The following KAZN variants were observed in gnomAD, a reference collection of about 807,000 sequenced individuals.
The protein encoded by KAZN is kazrin.
KAZN carries 40 observed loss-of-function variants against 87.4 expected under a neutral mutation model. That is an observed-to-expected ratio of 0.46 (90% confidence interval 0.36 to 0.60). The LOEUF is 0.60. Among genes scored for constraint, KAZN ranks in the 20% least tolerant of loss-of-function variants. KAZN has a pLI of 0.00. For synonymous variants in KAZN, 466 were observed against 458.3 expected, an observed-to-expected ratio of 1.02 and a Z score of -0.22; for missense variants, 898 against 1,073.9, an observed-to-expected ratio of 0.84 and a Z score of 2.29.
intron 3 of KAZN, among the ~76,000 whole-genome samples, chr1:15,036,465 C>T (rs1416105015): frequency 6.6e-6 from 1 of 151,892 alleles, no homozygotes; most frequent in Non-Finnish European, 1.5e-5. Flanking sequence ...TGAACTGAGC[C>T]TCCCCATGCC....
intron 2 of KAZN, among the ~76,000 whole-genome samples, chr1:14,379,435 C>T (rs1345558593): frequency 6.6e-6 from 1 of 152,042 alleles, no homozygotes; most frequent in Non-Finnish European, 1.5e-5. Context: ...ACCAAGCAGG[C>T]TTTCAGGGTC....
At chr1:14,928,047 T>G (rs890689270) in intron 1 of KAZN, among the ~76,000 whole-genome samples, 2 of 151,956 alleles carry the variant, frequency 1.3e-5, no homozygotes, top group Admixed American at 1.3e-4. Context: ...CTTAGAACAG[T>G]TCAGTAACTG....
chr1:13,968,773 C>T (rs1052099917), intron 1 of KAZN, among the ~76,000 whole-genome samples: 1 of 151,856 alleles, frequency 6.6e-6, no homozygotes, highest in African/African-American at 2.4e-5. Context: ...TTCTCAGTAT[C>T]CTTTGCTGGC....
At chr1:15,004,539 T>C (rs1668811303) in intron 2 of KAZN, among the ~76,000 whole-genome samples, 1 of 152,210 alleles carries the variant, frequency 6.6e-6, no homozygotes, top group South Asian at 2.1e-4. Flanking sequence ...CTTCAGGGTG[T>C]TTTGAGAATC....
intron 2 of KAZN, among the ~76,000 whole-genome samples, chr1:14,332,653 A>G (rs1394858292): frequency 6.6e-6 from 1 of 152,170 alleles, no homozygotes; most frequent in Non-Finnish European, 1.5e-5. Context: ...TGGAACAATC[A>G]GCATGAATAT....
intron 2 of KAZN, among the ~76,000 whole-genome samples, chr1:14,409,450 T>G (rs1381379783): frequency 6.6e-6 from 1 of 152,186 alleles, no homozygotes; most frequent in Non-Finnish European, 1.5e-5. Flanking sequence ...TTGATGTAGA[T>G]TCTGTTAAAA....
chr1:14,876,689 C>A (rs933598386), intron 1 of KAZN, among the ~76,000 whole-genome samples: 3 of 152,102 alleles, frequency 2.0e-5, no homozygotes, highest in Non-Finnish European at 4.4e-5. Flanking sequence ...AATGATAGTA[C>A]CAAAAATTGG....
At chr1:14,649,571 A>G (rs1681068651) in intron 1 of KAZN, among the ~76,000 whole-genome samples, 1 of 152,224 alleles carries the variant, frequency 6.6e-6, no homozygotes, top group African/African-American at 2.4e-5. Flanking sequence ...CAGCCGAAAG[A>G]AGGTCTGAGG....
rs568915608 is a variant in KAZN, at chr1:14,409,868, T to C, written c.250-189115T>C. Among the ~76,000 whole-genome samples the C allele has an allele frequency of 1.2e-4, 18 of 152,204 alleles. No homozygotes were observed. The South Asian group carries it at 3.5e-3, about 30-fold the overall frequency. On this transcript the variant is annotated intron_variant, in intron 2 of 16. Transcript: ENST00000636203. ...TAAGCTAGACCATCAAAAAACAGAA[T>C]ATAACAGATACTCTAAGGAGGAAAG...
intron 2 of KAZN, among the ~76,000 whole-genome samples, chr1:14,182,794 T>C (rs542376897): frequency 6.6e-6 from 1 of 152,328 alleles, no homozygotes; most frequent in East Asian, 1.9e-4. Context: ...GACAAATGAT[T>C]GTACTCATTT....
At chr1:14,582,358 G>T (rs567686396) in intron 2 of KAZN, among the ~76,000 whole-genome samples, 6 of 152,236 alleles carry the variant, frequency 3.9e-5, no homozygotes, top group Admixed American at 3.9e-4. Flanking sequence ...TCAGTTTTGG[G>T]CAGGTCACTT....
At position 15,110,549 on chromosome 1, in the gene KAZN, T is replaced by TTG. The variant is rs71000365; in HGVS notation, c.2049-1860_2049-1859dup. Among the ~76,000 whole-genome samples the TTG allele has an allele frequency of 2.7e-3, 399 of 148,018 alleles. 2 individuals carry two copies. Among genetic ancestry groups the TTG allele is most frequent in the East Asian group, 0.013 (64 of 5,052 alleles). ...TGTGTTTGTGTGTGTGCATATGTGT[T>TTG]TGTGTGTGTGTGTGTGTGTATCCTC... On this transcript the variant is annotated intron_variant, in intron 13 of 14. Coordinates refer to ENST00000376030, the MANE Select transcript of KAZN (RefSeq NM_201628.3).
At chr1:14,563,757 T>G (rs1186537792) in intron 2 of KAZN, among the ~76,000 whole-genome samples, 1 of 152,154 alleles carries the variant, frequency 6.6e-6, no homozygotes, top group African/African-American at 2.4e-5. Context: ...TCTTACCCAT[T>G]GACTGCAATA....
rs754599055 is a variant in KAZN, at chr1:15,096,437, C to A, written c.1547+1504C>A. 6.6e-6 allele frequency among the ~76,000 whole-genome samples: 1 copy of A among 152,216 alleles called. No individual in the cohort carries two copies. The highest frequency in any genetic ancestry group is 1.5e-5 in the Non-Finnish European group (1 of 68,038). The stretch of plus-strand genomic sequence containing the variant: ...GGGAGGACGTCCCCACCGTCCTCTG[C>A]CTCCCAGGGGTGCGGCCTGCCCAGC... On this transcript the variant is annotated intron_variant, in intron 10 of 14. Coordinates refer to ENST00000376030, the MANE Select transcript of KAZN (RefSeq NM_201628.3). The surrounding 1 kb of genome is among the most constrained non-coding windows in gnomAD (Gnocchi z 4.5).
chr1:14,469,121 T>G (rs748425821), intron 2 of KAZN, among the ~76,000 whole-genome samples: 8 of 152,282 alleles, frequency 5.3e-5, no homozygotes, highest in Admixed American at 2.6e-4. Context: ...GGCAACAGTT[T>G]CCATAATGTG....
chr1:15,080,395 T>A (rs996588843), intron 8 of KAZN, among the ~76,000 whole-genome samples: 2 of 151,608 alleles, frequency 1.3e-5, no homozygotes, highest in Non-Finnish European at 2.9e-5. Flanking sequence ...GGGTCAGGGG[T>A]GGTGCAGGTT....
chr1:14,366,514 A>T (rs1246729067), intron 2 of KAZN, among the ~76,000 whole-genome samples: 1 of 152,230 alleles, frequency 6.6e-6, no homozygotes, highest in Non-Finnish European at 1.5e-5. Context: ...GGAGCTAGCC[A>T]GCTGCTTCGG....
intron 1 of KAZN, among the ~76,000 whole-genome samples, chr1:14,754,278 T>G (rs1374247740): frequency 6.6e-6 from 1 of 152,196 alleles, no homozygotes; most frequent in Non-Finnish European, 1.5e-5. Context: ...GGGATTTTGT[T>G]GCACATAATC....
intron 13 of KAZN, among the ~76,000 whole-genome samples, chr1:15,108,385 C>A (rs2100734278): frequency 6.6e-6 from 1 of 152,318 alleles, no homozygotes; most frequent in South Asian, 2.1e-4. Context: ...CCAGCGGGGC[C>A]TTTGAGGCCA....
Sources: gnomAD v4.1 joint callset for allele counts (sites outside exome capture counted in the v4.1 genomes callset) on GRCh38, gnomAD v4.1.1 for gene constraint, Gnocchi (gnomAD v3.1) non-coding constraint, MANE v1.5 for transcripts, NCBI Gene and HGNC (gene_info 2026-07-23, HGNC 2026-07-21) for gene names.